The following PARP4 variants were observed in gnomAD, a reference collection of about 807,000 sequenced individuals.
PARP4 encodes protein mono-ADP-ribosyltransferase PARP4.
In PARP4, 120 loss-of-function variants were observed where a neutral mutation model predicts 187.7. The ratio of observed to expected loss-of-function variants is 0.64; its 90% CI spans 0.55 to 0.74. The LOEUF is 0.74. PARP4 is among the 30% of genes least tolerant of loss of function. PARP4 has a pLI of 0.00. For missense variants in PARP4, 1,836 were observed against 2,070.5 expected (o/e 0.89, Z 2.20); for synonymous variants, 654 against 740.9 (o/e 0.88, Z 1.90).
Position 24,478,280 on chromosome 13 carries a change from C to T in PARP4, c.1449-4G>A. On this transcript the variant is annotated splice_polypyrimidine_tract_variant and splice_region_variant and intron_variant, in intron 12 of 33. Transcript: ENST00000381989. ...GTGTGAGTACTTGATACTTGTACTA[C>T]ATGCGAAAGGAAATAAACACATATT... 5 of 1,589,668 alleles carry T rather than the reference C, an allele frequency of 3.1e-6. No homozygotes were observed. Among genetic ancestry groups the T allele is most frequent in the East Asian group, 2.3e-5 (1 of 44,384 alleles).
At chr13:24,432,239 A>G (rs1275696567) in intron 31 of PARP4, among the ~76,000 whole-genome samples, 1 of 152,112 alleles carries the variant, frequency 6.6e-6, no homozygotes, top group South Asian at 2.1e-4. Context: ...TCTTCTAGCT[A>G]TTTTGACATA....
rs1467528731 is a variant in PARP4 at position 24,490,783 on chromosome 13, G to A, written c.1099C>T (p.Pro367Ser). 6.2e-7 allele frequency: 1 copy of A among 1,613,942 alleles called. No homozygotes were observed. Among genetic ancestry groups the A allele is most frequent in the African/African-American group, 1.3e-5 (1 of 74,904 alleles). Reference sequence around the variant, plus strand: ...TATTTGGCCAGGGATGGTGGGTTGGGTTTGGACAAATTAGTTTCACAGACA... The same window carrying A: ...TATTTGGCCAGGGATGGTGGGTTGGATTTGGACAAATTAGTTTCACAGACA... ...VNVCETNLSK[P>S]NPPSLAKYRA... The change falls in exon 10 of 34, where the codon CCC (proline) becomes TCC (serine). Residue 367 changes from proline to serine, a missense_variant. Pro to Ser is a moderately conservative substitution (Grantham distance 74). Around this residue, in one of 8 missense-constraint regions of PARP4, gnomAD observed 1,147 missense variants for 1,214.2 expected, o/e 0.94. Transcript: ENST00000381989.
Position 24,452,447 on chromosome 13 carries a change from C to T in PARP4, c.2973G>A (p.Lys991=), listed in dbSNP as rs568904712. The part of the protein sequence containing the change: ...QDESLTLQLV[K]RSRPHTRLFA... ...ATAACCTGGTGTGCGGGCGGCTCCTCTTCACGAGCTGTAATGTCAGGCTCT... is the reference window on the plus strand; with the variant it reads ...ATAACCTGGTGTGCGGGCGGCTCCTTTTCACGAGCTGTAATGTCAGGCTCT... Residue 991 remains lysine (K), a synonymous_variant, in exon 24 of 34, where the codon AAG becomes AAA. Coordinates refer to ENST00000381989, the MANE Select transcript of PARP4 (RefSeq NM_006437.4). 6.2e-7 allele frequency: 1 copy of T among 1,614,020 alleles called. No individual in the cohort carries two copies. Among genetic ancestry groups the T allele is most frequent in the South Asian group, 1.1e-5 (1 of 91,054 alleles).
At chr13:24,455,241 G>C in intron 21 of PARP4, 29 bp from the exon 22 acceptor site, 4 of 1,509,410 alleles carry the variant, frequency 2.7e-6, no homozygotes, top group Non-Finnish European at 2.7e-6. Context: ...TGCTGGACTG[G>C]AGCTTCTTGT....
In PARP4 at chr13:24,456,435, G is replaced by A. The variant is rs1315193341; in HGVS notation, c.2468C>T (p.Ser823Phe). ...KAVISTMEGS[S>F]LDSSGFSLHI... ...GAGAGAAAATCCACTGCTGTCTAAG[G>A]AGCTGCCTTCCATGGTGCTAATGAC... Residue 823 changes from serine to phenylalanine, a missense_variant, in exon 21 of 34, where the codon TCC becomes TTC. Coordinates refer to ENST00000381989, the MANE Select transcript of PARP4 (RefSeq NM_006437.4). 3 of 1,609,580 alleles carry A rather than the reference G, an allele frequency of 1.9e-6. No homozygotes were observed. Among genetic ancestry groups the A allele is most frequent in the Non-Finnish European group, 2.5e-6 (3 of 1,176,640 alleles).
chr13:24,449,295 G>C (rs1268203034), intron 25 of PARP4, among the ~76,000 whole-genome samples: 1 of 149,160 alleles, frequency 6.7e-6, no homozygotes, highest in African/African-American at 2.5e-5. Context: ...GGCTGAGGCA[G>C]AAGAATGGCG....
intron 12 of PARP4, among the ~76,000 whole-genome samples, chr13:24,478,602 T>C (rs188365685): frequency 2.0e-5 from 3 of 151,946 alleles, no homozygotes; most frequent in African/African-American, 7.3e-5. Flanking sequence ...CTAGCTAACT[T>C]TTAAAATTTT....
At chr13:24,435,838 C>T (rs779548153) in intron 30 of PARP4, among the ~76,000 whole-genome samples, 1 of 150,822 alleles carries the variant, frequency 6.6e-6, no homozygotes, top group Non-Finnish European at 1.5e-5. Context: ...AGTGCTTGAG[C>T]CTGAGAGGCT....
At chr13:24,484,613 A>G (rs1873453425) in intron 12 of PARP4, 40 bp downstream of exon 12, 1 of 1,304,100 alleles carries the variant, frequency 7.7e-7, no homozygotes, top group African/African-American at 1.5e-5. Flanking sequence ...ATACACAGCA[A>G]GTATTCAGTA....
intron 14 of PARP4, among the ~76,000 whole-genome samples, chr13:24,475,814 T>C (rs1378217274): frequency 6.6e-6 from 1 of 151,720 alleles, no homozygotes; most frequent in East Asian, 1.9e-4. Context: ...AGATAGCATG[T>C]CACTCTGTCA....
At chr13:24,482,872 T>C (rs574514952) in intron 12 of PARP4, among the ~76,000 whole-genome samples, 1 of 152,340 alleles carries the variant, frequency 6.6e-6, no homozygotes, top group African/African-American at 2.4e-5. Flanking sequence ...GGCTCATCCA[T>C]TTGACATGTG....
At chr13:24,476,078 C>A (rs1872968674) in intron 14 of PARP4, among the ~76,000 whole-genome samples, 1 of 152,086 alleles carries the variant, frequency 6.6e-6, no homozygotes. Context: ...TGAGACACTA[C>A]ACCTGGCCTG....
chr13:24,476,441 A>G (rs1240616121), intron 14 of PARP4, among the ~76,000 whole-genome samples: 1 of 152,180 alleles, frequency 6.6e-6, no homozygotes, highest in Non-Finnish European at 1.5e-5. Flanking sequence ...GGGCTCGGTC[A>G]CTATTATTTA....
At chr13:24,489,074 AC>A (rs1450577523) in intron 10 of PARP4, among the ~76,000 whole-genome samples, 1 of 152,118 alleles carries the variant, frequency 6.6e-6, no homozygotes, top group Non-Finnish European at 1.5e-5. Flanking sequence ...TTATTTAACC[AC>A]CTTTTGGCTG....
At chr13:24,444,107 C>A (rs1403978643) in intron 27 of PARP4, among the ~76,000 whole-genome samples, 3 of 152,262 alleles carry the variant, frequency 2.0e-5, no homozygotes, top group Admixed American at 6.5e-5. Context: ...CTGGGATGCC[C>A]GTCCGTGAAC....
At chr13:24,506,319 G>C (rs542053724) in intron 1 of PARP4, among the ~76,000 whole-genome samples, 1 of 152,244 alleles carries the variant, frequency 6.6e-6, no homozygotes, top group Non-Finnish European at 1.5e-5. Flanking sequence ...CGATTTAAAG[G>C]CAGTGCGGAC....
At chr13:24,509,516 A>G (rs936994177) in intron 1 of PARP4, among the ~76,000 whole-genome samples, 1 of 151,194 alleles carries the variant, frequency 6.6e-6, no homozygotes, top group African/African-American at 2.4e-5. Context: ...AAAAAAAAAA[A>G]GAGAGAAAAA....
chr13:24,468,917 C>T (rs1872611618), intron 17 of PARP4, 107 bp downstream of exon 17: 1 of 862,612 alleles, frequency 1.2e-6, no homozygotes, highest in South Asian at 1.4e-5. Context: ...CTGGGGCCTA[C>T]AACAGTGCAA....
At chr13:24,510,553 C>CAAAAAAAAAAAA (rs61708412) in intron 1 of PARP4, among the ~76,000 whole-genome samples, 14 of 89,232 alleles carry the variant, frequency 1.6e-4, no homozygotes, top group South Asian at 9.0e-4. Context: ...GACTCCGTCT[C>CAAAAAAAAAAAA]AAAAAAAAAA....
Sources: gnomAD v4.1 joint callset for allele counts (sites outside exome capture counted in the v4.1 genomes callset) on GRCh38, gnomAD v4.1.1 for gene constraint, gnomAD v4.1.1 regional missense constraint, MANE v1.5 for transcripts, NCBI Gene and HGNC (gene_info 2026-07-23, HGNC 2026-07-21) for gene names.